The following SUPT3H variants were observed in gnomAD, a reference collection of about 807,000 sequenced individuals.
SUPT3H encodes SPT3 homolog, SAGA and STAGA complex component.
In SUPT3H, 44 loss-of-function variants were observed where a neutral mutation model predicts 44.3. That is an observed-to-expected ratio of 0.99 (90% confidence interval 0.78 to 1.28). The LOEUF (loss-of-function observed/expected upper bound fraction) is 1.28, where lower values mean the gene tolerates loss of function less well. SUPT3H is among the 50% of genes most tolerant of loss of function. The pLI, the probability that SUPT3H is intolerant of heterozygous loss-of-function variation, is 0.00. For synonymous variants in SUPT3H, 124 were observed against 125.6 expected (o/e 0.99, Z 0.09); for missense variants, 380 against 387.1 (o/e 0.98, Z 0.15).
chr6:45,043,672 T>C (rs1343249826), intron 3 of SUPT3H, among the ~76,000 whole-genome samples: 4 of 152,086 alleles, frequency 2.6e-5, no homozygotes, highest in Admixed American at 2.6e-4. Flanking sequence ...GAGCTTATTC[T>C]ACTATGGAAG....
At chr6:45,096,234 G>A (rs934436887) in intron 3 of SUPT3H, among the ~76,000 whole-genome samples, 10 of 152,050 alleles carry the variant, frequency 6.6e-5, no homozygotes, top group African/African-American at 2.2e-4. Context: ...TTTATAGCCT[G>A]TAAATATGTC....
intron 2 of SUPT3H, among the ~76,000 whole-genome samples, chr6:45,201,472 A>T (rs1762446909): frequency 6.6e-6 from 1 of 151,816 alleles, no homozygotes; most frequent in Admixed American, 6.6e-5. Flanking sequence ...TCCCATTTTT[A>T]AAAATAAATT....
At chr6:45,122,366 T>C (rs1234923563) in intron 2 of SUPT3H, among the ~76,000 whole-genome samples, 3 of 152,294 alleles carry the variant, frequency 2.0e-5, no homozygotes, top group South Asian at 2.1e-4. Flanking sequence ...ATACTTTATA[T>C]AGTTAAAACC....
intron 2 of SUPT3H, among the ~76,000 whole-genome samples, chr6:45,240,190 G>A (rs894369707): frequency 6.6e-5 from 10 of 152,086 alleles, no homozygotes; most frequent in Admixed American, 3.3e-4. Flanking sequence ...GCAGGATTGC[G>A]AGGACCCCCC....
At chr6:44,859,008 T>C (rs1230825429) in intron 10 of SUPT3H, among the ~76,000 whole-genome samples, 1 of 152,214 alleles carries the variant, frequency 6.6e-6, no homozygotes, top group African/African-American at 2.4e-5. Flanking sequence ...CCAGCACTTC[T>C]GGAATACTGC....
chr6:44,832,363 T>C (rs1466891722), intron 10 of SUPT3H, among the ~76,000 whole-genome samples: 2 of 152,178 alleles, frequency 1.3e-5, no homozygotes, highest in East Asian at 3.8e-4. Context: ...ACCCTATGAA[T>C]GATTCCCAGT....
At chr6:44,921,446 T>C (rs1283155648) in intron 10 of SUPT3H, among the ~76,000 whole-genome samples, 3 of 152,224 alleles carry the variant, frequency 2.0e-5, no homozygotes, top group South Asian at 4.1e-4. Flanking sequence ...GTGTGAACGA[T>C]AGACATTGTT....
intron 2 of SUPT3H, among the ~76,000 whole-genome samples, chr6:45,232,476 AGGG>A (rs1768240286): frequency 6.6e-6 from 1 of 152,176 alleles, no homozygotes; most frequent in African/African-American, 2.4e-5. Context: ...CATGGGCTCC[AGGG>A]CAGTGTACAT....
chr6:45,018,968 A>G (rs888870219), intron 4 of SUPT3H, among the ~76,000 whole-genome samples: 12 of 152,186 alleles, frequency 7.9e-5, no homozygotes, highest in Admixed American at 1.3e-4. Context: ...CTGTGAATCC[A>G]TCTGGTCCTG....
At chr6:44,984,715 T>C (rs1256239112) in intron 6 of SUPT3H, among the ~76,000 whole-genome samples, 2 of 152,148 alleles carry the variant, frequency 1.3e-5, no homozygotes, top group African/African-American at 4.8e-5. Flanking sequence ...CTTTCCTATA[T>C]GTAACTAACT....
intron 10 of SUPT3H, among the ~76,000 whole-genome samples, chr6:44,877,097 A>C (rs1373082399): frequency 6.6e-6 from 1 of 152,096 alleles, no homozygotes; most frequent in East Asian, 1.9e-4. Flanking sequence ...AGCCTTCTTT[A>C]CTCCTTACAA....
At chr6:45,007,788 G>T (rs761896068) in intron 5 of SUPT3H, among the ~76,000 whole-genome samples, 1 of 150,522 alleles carries the variant, frequency 6.6e-6, no homozygotes, top group African/African-American at 2.5e-5. Context: ...GTAATCAATG[G>T]TAAGGGTTTG....
intron 2 of SUPT3H, among the ~76,000 whole-genome samples, chr6:45,204,225 T>C: frequency 1.3e-5 from 1 of 77,576 alleles, no homozygotes. Flanking sequence ...CCAGTCTGGG[T>C]GACAGAGCAA....
At chr6:45,278,744 G>C (rs1252904507) in intron 2 of SUPT3H, among the ~76,000 whole-genome samples, 1 of 152,136 alleles carries the variant, frequency 6.6e-6, no homozygotes, top group East Asian at 1.9e-4. Flanking sequence ...AGTACAATAA[G>C]AAGTCTGTGA....
At chr6:45,014,966 C>T (rs2153514159) in intron 4 of SUPT3H, 75 bp from the exon 5 acceptor site, 2 of 826,156 alleles carry the variant, frequency 2.4e-6, no homozygotes, top group Non-Finnish European at 3.4e-6. Context: ...ACTACTATAA[C>T]CAAATTTAAT....
At position 45,326,221 on chromosome 6, in the gene SUPT3H, T is replaced by C. The variant is rs1253787631; in HGVS notation, c.101+38980A>G. On this transcript the variant is annotated intron_variant, in intron 2 of 10. Transcript: ENST00000371459. ...TGTAAGATGTTTCAGTGAATGCTAA[T>C]GTAGAAACTATAAGCTTATTTGAAA... Among the ~76,000 whole-genome samples the C allele has an allele frequency of 2.0e-5, 3 of 152,024 alleles. No homozygotes were observed. In the East Asian group the frequency reaches 5.8e-4, roughly 29 times the overall value.
intron 2 of SUPT3H, among the ~76,000 whole-genome samples, chr6:45,131,890 G>A (rs73738608): frequency 3.9e-5 from 6 of 152,176 alleles, no homozygotes; most frequent in African/African-American, 1.2e-4. Context: ...TGGGAAATAC[G>A]TTTTGAGATC....
intron 3 of SUPT3H, among the ~76,000 whole-genome samples, chr6:45,081,911 A>G (rs1795867918): frequency 6.6e-6 from 1 of 152,170 alleles, no homozygotes; most frequent in African/African-American, 2.4e-5. Context: ...ACTCAGTTAC[A>G]TGAAAATGCA....
At chr6:44,985,619 AT>A (rs1163464946) in intron 6 of SUPT3H, among the ~76,000 whole-genome samples, 1 of 152,100 alleles carries the variant, frequency 6.6e-6, no homozygotes, top group Non-Finnish European at 1.5e-5. Context: ...ATTTAAGAAA[AT>A]TTTGTCCTCT....
Sources: gnomAD v4.1 joint callset for allele counts (sites outside exome capture counted in the v4.1 genomes callset) on GRCh38, gnomAD v4.1.1 for gene constraint, MANE v1.5 for transcripts, NCBI Gene and HGNC (gene_info 2026-07-23, HGNC 2026-07-21) for gene names.